The following ARID3A variants were observed in gnomAD, a reference collection of about 807,000 sequenced individuals.
ARID3A encodes the protein AT-rich interaction domain 3A.
A neutral mutation model predicts 52.7 loss-of-function variants in ARID3A; 11 were observed. The observed-to-expected ratio is 0.21, with a 90% CI of 0.13 to 0.35. ARID3A has a LOEUF of 0.35. Ranked by LOEUF, ARID3A falls within the 10% of genes least tolerant of loss-of-function variation. The pLI, the probability that ARID3A is intolerant of heterozygous loss-of-function variation, is 1.00. For missense variants in ARID3A, 721 were observed against 838.5 expected (o/e 0.86, Z 1.73); for synonymous variants, 404 against 359.4 (o/e 1.12, Z -1.40).
chr19:954,813 C>T (rs1367425733), intron 3 of ARID3A, among the ~76,000 whole-genome samples: 6 of 148,688 alleles, frequency 4.0e-5, no homozygotes, highest in South Asian at 2.1e-4. Flanking sequence ...CGAAGGCGGC[C>T]GCTCGGGGCT....
chr19:974,262 C>T lies in ARID3A; in HGVS notation c.*2197C>T, dbSNP rs1231626188. 1.8e-5 allele frequency: 4 copies of T among 227,830 alleles called. No individual in the cohort carries two copies. Among genetic ancestry groups the T allele is most frequent in the Admixed American group, 5.7e-5 (1 of 17,624 alleles). The allele number at this position is 227,830 out of a possible 1,614,324, so 14.1% of individuals were successfully genotyped here. A position where few individuals can be genotyped will look rare whatever the true frequency, so the allele number is the denominator to read the frequency against. On this transcript the variant is annotated 3_prime_UTR_variant, in exon 9 of 9. Coordinates refer to ENST00000263620, the MANE Select transcript of ARID3A (RefSeq NM_005224.3). ...GGACCCCCACTTCCTTCTCGGATCT[C>T]AGGGCCGTGGACACACACCCCCTTT...
At position 972,215 on chromosome 19, in the gene ARID3A, G is replaced by GA. The variant is rs2038291748; in HGVS notation, c.*156dup. On this transcript the variant is annotated 3_prime_UTR_variant, in exon 9 of 9. Coordinates refer to ENST00000263620, the MANE Select transcript of ARID3A (RefSeq NM_005224.3). ...GCCACAGCTGACGCCAAAAAGAAAAGAAAAAAGATATATATATATATATAT... is the reference window on the plus strand; with the variant it reads ...GCCACAGCTGACGCCAAAAAGAAAAGAAAAAAAGATATATATATATATATAT... 3.0e-6 allele frequency: 1 copy of GA among 329,336 alleles called. No homozygotes were observed. The allele number at this position is 329,336 out of a possible 1,614,324, so 20.4% of individuals were successfully genotyped here. A position where few individuals can be genotyped will look rare whatever the true frequency, so the allele number is the denominator to read the frequency against.
intron 8 of ARID3A, among the ~76,000 whole-genome samples, chr19:969,728 C>A (rs760398694): frequency 4.0e-5 from 6 of 150,002 alleles, no homozygotes; most frequent in Non-Finnish European, 8.9e-5. Flanking sequence ...CCCTCTGTCA[C>A]CCAGGCTGGA....
intron 2 of ARID3A, among the ~76,000 whole-genome samples, chr19:930,703 G>C (rs1396068334): frequency 6.6e-6 from 1 of 150,654 alleles, no homozygotes; most frequent in Non-Finnish European, 1.5e-5. Flanking sequence ...TAGAGACGGG[G>C]TTTCACCATG....
At position 968,470 on chromosome 19, in the gene ARID3A, A is replaced by T. The variant is rs1353051807; in HGVS notation, c.1561A>T (p.Met521Leu). 2 of 1,614,024 alleles carry T rather than the reference A, an allele frequency of 1.2e-6. No homozygotes were observed. The highest frequency in any genetic ancestry group is 2.2e-5 in the South Asian group (2 of 91,090). ...TGTNGSNSIS[M>L]SVEINGIMYT... Reference sequence around the variant, plus strand: ...CACCAACGGCAGCAACAGCATCAGCATGTCGGTGGAGATCAACGGCATCAT... The same window carrying T: ...CACCAACGGCAGCAACAGCATCAGCTTGTCGGTGGAGATCAACGGCATCAT... Residue 521 changes from methionine (M) to leucine (L), a missense_variant, in exon 8 of 9, where the codon ATG (methionine) becomes TTG (leucine). Physicochemically the swap from Met to Leu is conservative, Grantham distance 15. Coordinates refer to ENST00000263620, the MANE Select transcript of ARID3A (RefSeq NM_005224.3).
rs534929571 is a variant in ARID3A at position 932,605 on chromosome 19, G to A, written c.556G>A (p.Asp186Asn). 5.2e-5 allele frequency: 79 copies of A among 1,518,668 alleles called. No homozygotes were observed. The highest frequency in any genetic ancestry group is 6.3e-5 in the Non-Finnish European group (71 of 1,135,358). The allele number at this position is 1,518,668 out of a possible 1,614,324, so 94.1% of individuals were successfully genotyped here. The change falls in exon 3 of 9, where the codon GAT becomes AAT. Residue 186 changes from aspartate (D) to asparagine (N), a missense_variant. Around this residue, in one of 5 missense-constraint regions of ARID3A, gnomAD observed 349 missense variants for 297.3 expected, o/e 1.17. Transcript: ENST00000263620. ...CCAGCCACCCCAGGCCTTCCGCGGC[G>A]ATGGCGTTCCCAGGGTGCTGGGGGG... ...KAQPPQAFRG[D>N]GVPRVLGGQE... is the part of the protein sequence containing the mutation.
chr19:966,883 C>T lies in ARID3A; in HGVS notation c.1495+15C>T. ...CAACAGCCAAGGTACTGCCCTCGTG[C>T]CCAGACCCGCTGTGCTTCCTGCGTG... On this transcript the variant is annotated intron_variant, in intron 7 of 8. Coordinates refer to ENST00000263620, the MANE Select transcript of ARID3A (RefSeq NM_005224.3). 3 of 1,589,754 alleles carry T rather than the reference C, an allele frequency of 1.9e-6. No individual in the cohort carries two copies. Among genetic ancestry groups the T allele is most frequent in the Non-Finnish European group, 1.7e-6 (2 of 1,163,788 alleles).
chr19:968,752 T>A (rs1479955876), intron 8 of ARID3A: 1 of 382,638 alleles, frequency 2.6e-6, no homozygotes, highest in African/African-American at 2.1e-5. Context: ...ATGGTTCACA[T>A]TCCTAGTTTT....
chr19:942,459 C>T lies in ARID3A; in HGVS notation c.693+9717C>T, dbSNP rs575101879. On this transcript the variant is annotated intron_variant, in intron 3 of 8. Coordinates refer to ENST00000263620, the MANE Select transcript of ARID3A (RefSeq NM_005224.3). This position sits in a 1 kb window ranked among gnomAD's most constrained non-coding sequence, Gnocchi z 8.1. The stretch of plus-strand genomic sequence containing the variant: ...GACCTGGTGGGTGGCACACGGGGGG[C>T]GGGTGCGGACCGCCTCTTCTCCGCT... Among the ~76,000 whole-genome samples, 938 of 152,264 alleles carry T rather than the reference C, an allele frequency of 6.2e-3. 6 individuals carry two copies. Among genetic ancestry groups the T allele is most frequent in the African/African-American group, 0.021 (878 of 41,566 alleles).
chr19:937,656 T>C (rs1280692056), intron 3 of ARID3A, among the ~76,000 whole-genome samples: 1 of 150,944 alleles, frequency 6.6e-6, no homozygotes, highest in Non-Finnish European at 1.5e-5. Context: ...GCCACAGATG[T>C]GGGTTCCAGT....
intron 8 of ARID3A, among the ~76,000 whole-genome samples, chr19:970,498 CTTTTT>C (rs1177419405): frequency 3.4e-5 from 3 of 88,346 alleles, no homozygotes; most frequent in Non-Finnish European, 6.8e-5. Context: ...AATAGTTTTT[CTTTTT>C]TTTTTTTTTT....
At chr19:946,503 C>T (rs548650036) in intron 3 of ARID3A, among the ~76,000 whole-genome samples, 41 of 144,330 alleles carry the variant, frequency 2.8e-4, no homozygotes, top group African/African-American at 7.3e-4. Flanking sequence ...TGCGGTGTCG[C>T]GGTCTTGGCT....
intron 3 of ARID3A, among the ~76,000 whole-genome samples, chr19:936,647 C>T (rs897325530): frequency 1.3e-5 from 2 of 151,982 alleles, no homozygotes; most frequent in South Asian, 2.1e-4. Context: ...TCGAGACCAT[C>T]CTGGCTAACA....
At chr19:956,137 G>A (rs780934328) in intron 3 of ARID3A, among the ~76,000 whole-genome samples, 4 of 152,278 alleles carry the variant, frequency 2.6e-5, no homozygotes, top group South Asian at 4.1e-4. Context: ...GTTCTGGGCC[G>A]ATGTGAATTT....
intron 1 of ARID3A, among the ~76,000 whole-genome samples, chr19:927,228 G>A (rs913664238): frequency 3.9e-5 from 6 of 152,094 alleles, no homozygotes; most frequent in Non-Finnish European, 7.4e-5. Flanking sequence ...CCCCTGCCTG[G>A]TCCAACGACC....
Position 929,741 on chromosome 19 carries a change from C to T in ARID3A, c.213C>T (p.Gly71=), listed in dbSNP as rs34967265. ...ALAAMRAAAA[G]LGHPASPGGS... is the part of the protein sequence containing the mutation. ...CAGCCATGCGGGCTGCAGCTGCGGGCCTGGGACACCCAGCCAGCCCCGGCG... is the reference window on the plus strand; with the variant it reads ...CAGCCATGCGGGCTGCAGCTGCGGGTCTGGGACACCCAGCCAGCCCCGGCG... The change falls in exon 2 of 9, where the codon GGC becomes GGT. Residue 71 remains glycine (G), a synonymous_variant. Transcript: ENST00000263620. This position sits in a 1 kb window ranked among gnomAD's most constrained non-coding sequence, Gnocchi z 6.2. 0.076 allele frequency: 118,725 copies of T among 1,556,942 alleles called. 7,525 individuals are homozygous for T. Among genetic ancestry groups the T allele is most frequent in the African/African-American group, 0.32 (23,730 of 74,058 alleles).
chr19:961,014 CAAG>C (rs2038029355), intron 4 of ARID3A, among the ~76,000 whole-genome samples: 1 of 152,146 alleles, frequency 6.6e-6, no homozygotes, highest in Non-Finnish European at 1.5e-5. Context: ...GTCTCGCCTC[CAAG>C]TCCTCGTCGG....
At chr19:971,806 T>C in intron 8 of ARID3A, 72 bp from the exon 9 acceptor site, 1 of 1,504,540 alleles carries the variant, frequency 6.6e-7, no homozygotes, top group Non-Finnish European at 8.9e-7. Context: ...AGCACCCCAT[T>C]GGGTCTCCCT....
intron 8 of ARID3A, among the ~76,000 whole-genome samples, chr19:969,644 T>C (rs1424837900): frequency 1.4e-5 from 2 of 147,432 alleles, no homozygotes; most frequent in Non-Finnish European, 3.0e-5. Context: ...TAAATACATA[T>C]ATACTTTTAT....
Sources: gnomAD v4.1 joint callset for allele counts (sites outside exome capture counted in the v4.1 genomes callset) on GRCh38, gnomAD v4.1.1 for gene constraint, gnomAD v4.1.1 regional missense constraint, Gnocchi (gnomAD v3.1) non-coding constraint, MANE v1.5 for transcripts, NCBI Gene and HGNC (gene_info 2026-07-23, HGNC 2026-07-21) for gene names.